ACYP2: variants seen among roughly 807,000 people sequenced by gnomAD.
ACYP2 encodes acylphosphatase 2.
Under a neutral mutation model 11.2 loss-of-function variants are expected in ACYP2, and 12 were observed. The ratio of observed to expected loss-of-function variants is 1.08; its 90% CI spans 0.69 to 1.74. The LOEUF is 1.74. Ranked by LOEUF, ACYP2 falls within the 40% of genes most tolerant of loss-of-function variation. ACYP2 has a pLI of 0.00. For missense variants in ACYP2, 134 were observed against 101.9 expected, an observed-to-expected ratio of 1.31 and a Z score of -1.35; for synonymous variants, 43 against 32.2, an observed-to-expected ratio of 1.33 and a Z score of -1.13.
rs551164368 is a variant in ACYP2, at chr2:54,066,322, G to A, written c.277+8962G>A. Reference sequence around the variant, plus strand: ...TTAAGACATGCCTTGCTTCCCCTTCGCCTTCTGCCATGATTGTAAGTTTCT... The same window carrying A: ...TTAAGACATGCCTTGCTTCCCCTTCACCTTCTGCCATGATTGTAAGTTTCT... On this transcript the variant is annotated intron_variant, in intron 4 of 6. Coordinates refer to ENST00000607452, the MANE Select transcript of ACYP2 (RefSeq NM_001320586.2). 3.3e-5 allele frequency among the ~76,000 whole-genome samples: 5 copies of A among 152,184 alleles called. No individual in the cohort carries two copies. The East Asian group carries it at 7.7e-4, about 23-fold the overall frequency.
intron 6 of ACYP2, among the ~76,000 whole-genome samples, chr2:54,147,646 T>A (rs1681957388): frequency 6.6e-6 from 1 of 152,144 alleles, no homozygotes. Context: ...TACCTCAGCC[T>A]CCCGAGTAGC....
chr2:53,993,344 A>T (rs1381272637), intron 2 of ACYP2, among the ~76,000 whole-genome samples: 4 of 152,126 alleles, frequency 2.6e-5, no homozygotes, highest in Non-Finnish European at 5.9e-5. Flanking sequence ...GAAATGAAGG[A>T]AGGAGGGACA....
chr2:54,116,200 G>A (rs1287023320), intron 4 of ACYP2, among the ~76,000 whole-genome samples: 1 of 152,098 alleles, frequency 6.6e-6, no homozygotes, highest in African/African-American at 2.4e-5. Flanking sequence ...CCTTTTTTTA[G>A]ACCTCTTTGT....
chr2:54,144,491 T>C (rs1681792486), intron 6 of ACYP2, among the ~76,000 whole-genome samples: 1 of 151,984 alleles, frequency 6.6e-6, no homozygotes, highest in Non-Finnish European at 1.5e-5. Context: ...CTGGCCAACA[T>C]GGTGAAACCC....
In ACYP2 at chr2:54,044,789, T is replaced by C. The variant is rs576296914; in HGVS notation, c.63-6169T>C. On this transcript the variant is annotated intron_variant, in intron 2 of 6. Transcript: ENST00000607452. ...ACTTCCTGTCACATCTGCTGCCATG[T>C]TTTATGCTAGAAACTGCAGTGGAAA... 7.2e-5 allele frequency among the ~76,000 whole-genome samples: 11 copies of C among 152,282 alleles called. No homozygotes were observed. The East Asian group carries it at 2.1e-3, about 29-fold the overall frequency.
intron 2 of ACYP2, among the ~76,000 whole-genome samples, chr2:54,004,398 T>C (rs1672949171): frequency 1.3e-5 from 2 of 149,896 alleles, no homozygotes; most frequent in South Asian, 4.2e-4. Flanking sequence ...GTTCAGGTAG[T>C]TTAGCCTTTT....
intron 6 of ACYP2, among the ~76,000 whole-genome samples, chr2:54,168,073 T>G (rs1050651418): frequency 6.6e-6 from 1 of 152,304 alleles, no homozygotes; most frequent in South Asian, 2.1e-4. Context: ...TTCTCAAAAC[T>G]GTTTTGTCAA....
intron 2 of ACYP2, among the ~76,000 whole-genome samples, chr2:53,982,876 T>G: frequency 8.1e-6 from 1 of 123,856 alleles, no homozygotes; most frequent in African/African-American, 3.5e-5. Context: ...GTGTGTGTGA[T>G]ATAAATAGGT....
intron 6 of ACYP2, among the ~76,000 whole-genome samples, chr2:54,149,323 C>A (rs1328858533): frequency 1.3e-5 from 2 of 152,186 alleles, no homozygotes; most frequent in Non-Finnish European, 2.9e-5. Context: ...TACTAACAAG[C>A]CAGCAGCATG....
intron 6 of ACYP2, among the ~76,000 whole-genome samples, chr2:54,279,809 C>T (rs1164852574): frequency 6.6e-6 from 1 of 152,146 alleles, no homozygotes; most frequent in East Asian, 1.9e-4. Context: ...GAATTGTAAT[C>T]ATTTGCCTTT....
intron 2 of ACYP2, among the ~76,000 whole-genome samples, chr2:54,026,273 AG>A (rs1674281852): frequency 6.6e-6 from 1 of 152,252 alleles, no homozygotes; most frequent in Non-Finnish European, 1.5e-5. Flanking sequence ...ATGAATAGAC[AG>A]TTCTCAAAAG....
At chr2:54,079,565 G>C (rs559216070) in intron 4 of ACYP2, among the ~76,000 whole-genome samples, 3 of 152,146 alleles carry the variant, frequency 2.0e-5, no homozygotes, top group African/African-American at 7.2e-5. Flanking sequence ...CTGTCAAAAA[G>C]GCAGCATTAG....
chr2:54,168,903 T>C (rs1683117189), intron 6 of ACYP2, among the ~76,000 whole-genome samples: 1 of 152,202 alleles, frequency 6.6e-6, no homozygotes, highest in African/African-American at 2.4e-5. Flanking sequence ...ATGCTTTCAC[T>C]TAAATGGCCT....
At chr2:53,989,043 C>T (rs934633979) in intron 2 of ACYP2, among the ~76,000 whole-genome samples, 5 of 152,156 alleles carry the variant, frequency 3.3e-5, no homozygotes, top group Admixed American at 3.3e-4. Flanking sequence ...CCACCACGCC[C>T]GGCCTGTAAT....
intron 6 of ACYP2, among the ~76,000 whole-genome samples, chr2:54,260,455 C>T (rs547748321): frequency 1.3e-5 from 2 of 152,152 alleles, no homozygotes; most frequent in Non-Finnish European, 2.9e-5. Flanking sequence ...ATTCAACTTA[C>T]AGCTGCAGTG....
At chr2:54,199,241 G>A (rs1398441693) in intron 6 of ACYP2, among the ~76,000 whole-genome samples, 2 of 152,164 alleles carry the variant, frequency 1.3e-5, no homozygotes, top group African/African-American at 4.8e-5. Flanking sequence ...CCCATGCATT[G>A]TGGTAAGCTA....
intron 6 of ACYP2, among the ~76,000 whole-genome samples, chr2:54,276,417 C>A (rs1688573032): frequency 6.6e-6 from 1 of 151,928 alleles, no homozygotes; most frequent in Non-Finnish European, 1.5e-5. Flanking sequence ...GAAAAATTAC[C>A]CTTGCATTAC....
chr2:54,125,329 T>C (rs1680424090), intron 4 of ACYP2, among the ~76,000 whole-genome samples: 2 of 152,186 alleles, frequency 1.3e-5, no homozygotes, highest in Admixed American at 6.5e-5. Context: ...CCAAACGCCA[T>C]AATCTTGCAT....
At chr2:54,251,250 A>G (rs1045391370) in intron 6 of ACYP2, among the ~76,000 whole-genome samples, 2 of 152,208 alleles carry the variant, frequency 1.3e-5, no homozygotes, top group Admixed American at 1.3e-4. Context: ...GGCCTAGTAA[A>G]TGATCCTATT....
Sources: gnomAD v4.1 joint callset for allele counts (sites outside exome capture counted in the v4.1 genomes callset) on GRCh38, gnomAD v4.1.1 for gene constraint, MANE v1.5 for transcripts, NCBI Gene and HGNC (gene_info 2026-07-23, HGNC 2026-07-21) for gene names.